The following BFSP1 variants were observed in gnomAD, a reference collection of about 807,000 sequenced individuals.
The protein encoded by BFSP1 is filensin.
BFSP1 carries 38 observed loss-of-function variants against 43.9 expected under a neutral mutation model. That is an observed-to-expected ratio of 0.87 (90% CI 0.67 to 1.14). The LOEUF (loss-of-function observed/expected upper bound fraction) is 1.14. BFSP1 is among the 50% of genes most tolerant of loss of function. The pLI, the probability that BFSP1 is intolerant of heterozygous loss-of-function variation, is 0.00. For synonymous variants in BFSP1, 352 were observed against 354.8 expected (o/e 0.99, Z 0.09); for missense variants, 850 against 875.1 (o/e 0.97, Z 0.36).
rs2033959802 is a variant in BFSP1, at chr20:17,507,272, G to GTGT, written c.735+1616_735+1617insACA. 8.5e-5 allele frequency among the ~76,000 whole-genome samples: 12 copies of GTGT among 141,310 alleles called. No individual in the cohort carries two copies. The highest frequency in any genetic ancestry group is 6.3e-4 in the East Asian group (3 of 4,774). The allele number at this position is 141,310 out of a possible 152,430, so 92.7% of individuals were successfully genotyped here. On this transcript the variant is annotated intron_variant, in intron 5 of 7. Transcript: ENST00000377873. This position sits in a 1 kb window ranked among gnomAD's most constrained non-coding sequence, Gnocchi z 4.4. ...GCGAGCCATACACATCAGATAGGTA[G>GTGT]GTGTGTGTGTGTGTGTGTGTGTGTG...
intron 1 of BFSP1, among the ~76,000 whole-genome samples, chr20:17,555,112 A>C (rs2034967924): frequency 6.6e-6 from 1 of 151,862 alleles, no homozygotes; most frequent in Middle Eastern, 3.4e-3. Flanking sequence ...CAGCCTGGTC[A>C]ACAAAGTGAG....
chr20:17,524,116 G>A (rs1364413640), intron 2 of BFSP1, among the ~76,000 whole-genome samples: 2 of 152,104 alleles, frequency 1.3e-5, no homozygotes, highest in Non-Finnish European at 2.9e-5. Flanking sequence ...TCTGACATTG[G>A]AGCTCAAAAA....
chr20:17,507,285 G>A lies in BFSP1; in HGVS notation c.735+1604C>T, dbSNP rs2033961256. On this transcript the variant is annotated intron_variant, in intron 5 of 7. Coordinates refer to ENST00000377873, the MANE Select transcript of BFSP1 (RefSeq NM_001195.5). This position sits in a 1 kb window ranked among gnomAD's most constrained non-coding sequence, Gnocchi z 4.4. Reference sequence around the variant, plus strand: ...ATCAGATAGGTAGGTGTGTGTGTGTGTGTGTGTGTGTGTGTGTGTGTATTT... The same window carrying A: ...ATCAGATAGGTAGGTGTGTGTGTGTATGTGTGTGTGTGTGTGTGTGTATTT... Among the ~76,000 whole-genome samples, 1 of 148,504 alleles carries A rather than the reference G, an allele frequency of 6.7e-6. No individual in the cohort carries two copies. The highest frequency in any genetic ancestry group is 1.5e-5 in the Non-Finnish European group (1 of 67,934).
At chr20:17,539,145 G>C (rs894492099) in intron 1 of BFSP1, among the ~76,000 whole-genome samples, 2 of 98,066 alleles carry the variant, frequency 2.0e-5, no homozygotes, top group African/African-American at 4.2e-5. Context: ...ATGGGGTCTT[G>C]CTCAGCCCAG....
chr20:17,498,730 C>T, intron 6 of BFSP1, 90 bp downstream of exon 6: 1 of 1,410,188 alleles, frequency 7.1e-7, no homozygotes, highest in Non-Finnish European at 9.7e-7. Flanking sequence ...CACATGCCCA[C>T]TGCCTATAAC....
intron 1 of BFSP1, among the ~76,000 whole-genome samples, chr20:17,530,710 A>T (rs1444338864): frequency 6.6e-6 from 1 of 152,266 alleles, no homozygotes; most frequent in East Asian, 1.9e-4. Flanking sequence ...TGTAAGTTAT[A>T]CCAAAATTTA....
chr20:17,560,830 G>A (rs764420046), upstream of BFSP1: 1 of 152,178 alleles, frequency 6.6e-6, no homozygotes, highest in Non-Finnish European at 1.5e-5. Context: ...GTCCCAACCA[G>A]AGAGCTTGCC....
rs754085071 is a variant in BFSP1, at chr20:17,494,907, C to T, written c.1165G>A (p.Ala389Thr). Residue 389 changes from alanine to threonine, a missense_variant, in exon 8 of 8, where the codon GCA (alanine) becomes ACA (threonine). Ala to Thr is a moderately conservative substitution (Grantham distance 58). Transcript: ENST00000377873. Reference protein sequence around the residue: ...KDKTNGALEDAPLKGLEDTKL... With the variant: ...KDKTNGALEDTPLKGLEDTKL... The stretch of plus-strand genomic sequence containing the variant: ...GTGTCTTCCAAACCTTTTAATGGTG[C>T]ATCTTCCAGAGCTCCGTTGGTTTTG... The T allele has an allele frequency of 6.2e-7, 1 of 1,614,198 alleles. No individual in the cohort carries two copies. Among genetic ancestry groups the T allele is most frequent in the Non-Finnish European group, 8.5e-7 (1 of 1,180,040 alleles).
chr20:17,565,417 C>T (rs941342018), intron 1 of BFSP1: 1 of 152,134 alleles, frequency 6.6e-6, no homozygotes, highest in Non-Finnish European at 1.5e-5. Context: ...ACTGAAGAAC[C>T]GTTTGTGAAA....
chr20:17,566,709 C>A (rs2035123913), intron 1 of BFSP1, among the ~76,000 whole-genome samples: 1 of 152,146 alleles, frequency 6.6e-6, no homozygotes, highest in Admixed American at 6.5e-5. Flanking sequence ...GGATGGAGTG[C>A]AGTGGCACGA....
chr20:17,544,924 C>T (rs1009944194), intron 1 of BFSP1, among the ~76,000 whole-genome samples: 2 of 152,160 alleles, frequency 1.3e-5, no homozygotes, highest in African/African-American at 4.8e-5. Context: ...GACAAAGGTT[C>T]AAACACTAAA....
intron 1 of BFSP1, among the ~76,000 whole-genome samples, chr20:17,543,762 T>G (rs1263889237): frequency 6.6e-6 from 1 of 152,232 alleles, no homozygotes; most frequent in East Asian, 1.9e-4. Context: ...GATATGCTGT[T>G]GTAGGACATG....
chr20:17,497,196 A>G (rs2033655302), intron 6 of BFSP1, among the ~76,000 whole-genome samples, 173 bp from the exon 7 acceptor site: 1 of 152,192 alleles, frequency 6.6e-6, no homozygotes, highest in Non-Finnish European at 1.5e-5. Flanking sequence ...ATGAGGACAT[A>G]AAGGAAGTGA....
At chr20:17,541,925 C>G (rs942540108) in intron 1 of BFSP1, among the ~76,000 whole-genome samples, 12 of 152,164 alleles carry the variant, frequency 7.9e-5, no homozygotes, top group African/African-American at 2.9e-4. Context: ...TATTTTGGAC[C>G]AAATTCTCTC....
At position 17,494,296 on chromosome 20, in the gene BFSP1, C is replaced by T. The variant is rs759446485; in HGVS notation, c.1776G>A (p.Ala592=). The change falls in exon 8 of 8, where the codon GCG becomes GCA. Residue 592 remains alanine (A), a synonymous_variant. Transcript: ENST00000377873. The part of the protein sequence containing the change: ...EPSIPEPPKP[A]ADQDGAEVLG... ...GCACCTCAGCTCCATCCTGATCAGC[C>T]GCAGGCTTTGGAGGCTCAGGTATAG... 30 of 1,614,098 alleles carry T rather than the reference C, an allele frequency of 1.9e-5. No homozygotes were observed. In the East Asian group the frequency reaches 2.0e-4, roughly 11 times the overall value.
At chr20:17,557,637 T>C (rs1300433555) in intron 1 of BFSP1, among the ~76,000 whole-genome samples, 3 of 152,236 alleles carry the variant, frequency 2.0e-5, no homozygotes, top group Non-Finnish European at 2.9e-5. Context: ...GGGACCTTCA[T>C]GCGCCTAACA....
intron 6 of BFSP1, among the ~76,000 whole-genome samples, chr20:17,497,582 GTATATA>G: frequency 8.0e-6 from 1 of 124,602 alleles, no homozygotes; most frequent in East Asian, 2.1e-4. Flanking sequence ...GTATATATAC[GTATATA>G]TATACGTGTA....
chr20:17,547,827 C>T (rs990992125), intron 1 of BFSP1, among the ~76,000 whole-genome samples: 4 of 147,332 alleles, frequency 2.7e-5, no homozygotes, highest in Non-Finnish European at 5.9e-5. Flanking sequence ...GCCTCACAGG[C>T]TCAATCAATT....
chr20:17,554,773 T>C (rs1372865759), intron 1 of BFSP1, among the ~76,000 whole-genome samples: 2 of 152,254 alleles, frequency 1.3e-5, no homozygotes, highest in East Asian at 3.9e-4. Context: ...GTTATAAAAA[T>C]TAGAAACAAA....
Sources: gnomAD v4.1 joint callset for allele counts (sites outside exome capture counted in the v4.1 genomes callset) on GRCh38, gnomAD v4.1.1 for gene constraint, Gnocchi (gnomAD v3.1) non-coding constraint, MANE v1.5 for transcripts, NCBI Gene and HGNC (gene_info 2026-07-23, HGNC 2026-07-21) for gene names.